The following SLC20A1 variants were observed in gnomAD, a reference collection of about 807,000 sequenced individuals.
SLC20A1 encodes sodium-dependent phosphate transporter 1.
SLC20A1 carries 28 observed loss-of-function variants against 62.7 expected under a neutral mutation model. The observed-to-expected ratio is 0.45, with a 90% CI of 0.33 to 0.61. The LOEUF (loss-of-function observed/expected upper bound fraction) is 0.61. SLC20A1 is among the 20% of genes least tolerant of loss of function. The probability of loss-of-function intolerance (pLI) is 0.02; values close to 1 mark genes in which losing one functional copy is unlikely to be tolerated. For missense variants in SLC20A1, 673 were observed against 838.6 expected (o/e 0.80, Z 2.44); for synonymous variants, 305 against 302.9 (o/e 1.01, Z -0.07).
intron 9 of SLC20A1, 186 bp downstream of exon 9, chr2:112,660,758 C>T: frequency 1.7e-6 from 1 of 577,480 alleles, no homozygotes; most frequent in South Asian, 2.6e-5. Flanking sequence ...ACATTTTACC[C>T]ATTTAGCTCT....
intron 5 of SLC20A1, among the ~76,000 whole-genome samples, chr2:112,656,785 T>C (rs1686600285): frequency 6.6e-6 from 1 of 152,172 alleles, no homozygotes; most frequent in Non-Finnish European, 1.5e-5. Context: ...ACTTGCTGTC[T>C]TTTTCATAGC....
chr2:112,658,823 A>T lies in SLC20A1; in HGVS notation c.779-2A>T. ...AAAAAAGACCCCCCTTTTTTTTCCT[A>T]GGAGAAATAAAGTGTAGTCCTTCTG... On this transcript the variant is annotated splice_acceptor_variant, in intron 6 of 10. Transcript: ENST00000272542. LOFTEE classifies it high-confidence loss of function. The T allele has an allele frequency of 6.3e-7, 1 of 1,580,454 alleles. No individual in the cohort carries two copies. The highest frequency in any genetic ancestry group is 1.9e-5 in the Admixed American group (1 of 52,914).
intron 9 of SLC20A1, 99 bp from the exon 10 acceptor site, chr2:112,661,043 T>G (rs1574191311): frequency 2.5e-6 from 2 of 796,150 alleles, no homozygotes; most frequent in East Asian, 5.0e-5. Context: ...GTTTTGTGAC[T>G]GAGTAGAACA....
intron 5 of SLC20A1, among the ~76,000 whole-genome samples, chr2:112,655,681 G>C (rs1267876315): frequency 6.6e-6 from 1 of 152,064 alleles, no homozygotes. Flanking sequence ...AAATAGGATT[G>C]TATAGTGCTT....
At chr2:112,656,659 A>C (rs894148928) in intron 5 of SLC20A1, among the ~76,000 whole-genome samples, 1 of 152,242 alleles carries the variant, frequency 6.6e-6, no homozygotes, top group Non-Finnish European at 1.5e-5. Flanking sequence ...TTTACACAGA[A>C]TTGTGTCAGC....
intron 5 of SLC20A1, among the ~76,000 whole-genome samples, chr2:112,654,786 C>T (rs1214943433): frequency 6.6e-6 from 1 of 150,964 alleles, no homozygotes; most frequent in Non-Finnish European, 1.5e-5. Context: ...ATCCCAGCTA[C>T]TTCGGAGGCT....
Position 112,663,240 on chromosome 2 carries a change from C to T in SLC20A1, c.*215C>T, listed in dbSNP as rs1370570408. 15 of 634,254 alleles carry T rather than the reference C, an allele frequency of 2.4e-5. No homozygotes were observed. The highest frequency in any genetic ancestry group is 2.6e-4 in the Middle Eastern group (1 of 3,916). The allele number at this position is 634,254 out of a possible 1,614,324, so 39.3% of individuals were successfully genotyped here. ...TAAAATAGCCCGGGTTCCACTGGCT[C>T]CTGCTGAGGTCCCCTTTCCTTCTGG... On this transcript the variant is annotated 3_prime_UTR_variant, in exon 11 of 11. Transcript: ENST00000272542.
At position 112,662,926 on chromosome 2, in the gene SLC20A1, T is replaced by G. The variant is rs1354430466; in HGVS notation, c.1941T>G (p.Phe647Leu). ...AGAAGGCTGTTGACTGGCGTCTCTT[T>G]CGTAACATTTTTATGGCCTGGTTTG... ...RSKKAVDWRL[F>L]RNIFMAWFVT... The change falls in exon 11 of 11, where the codon TTT becomes TTG. Residue 647 changes from phenylalanine (F) to leucine (L), a missense_variant. Transcript: ENST00000272542. The G allele has an allele frequency of 3.7e-6, 6 of 1,614,226 alleles. No homozygotes were observed. Among genetic ancestry groups the G allele is most frequent in the Non-Finnish European group, 5.1e-6 (6 of 1,180,026 alleles).
At chr2:112,660,254 A>G in intron 8 of SLC20A1, 133 bp from the exon 9 acceptor site, 1 of 761,112 alleles carries the variant, frequency 1.3e-6, no homozygotes, top group South Asian at 1.7e-5. Context: ...ATGTCTTTAG[A>G]AAGAAAGGCC....
At position 112,663,557 on chromosome 2, in the gene SLC20A1, G is replaced by C. The variant is rs143944949; in HGVS notation, c.*532G>C. ...AGTGGCAGGATCTATTGGCATATTCGGGAGCTTCTTAGAGGGATGAGGTTC... is the reference window on the plus strand; with the variant it reads ...AGTGGCAGGATCTATTGGCATATTCCGGAGCTTCTTAGAGGGATGAGGTTC... On this transcript the variant is annotated 3_prime_UTR_variant, in exon 11 of 11. Coordinates refer to ENST00000272542, the MANE Select transcript of SLC20A1 (RefSeq NM_005415.5). The C allele has an allele frequency of 1.1e-5, 2 of 177,782 alleles. No homozygotes were observed. Among genetic ancestry groups the C allele is most frequent in the African/African-American group, 4.8e-5 (2 of 41,742 alleles). 11.0% of individuals were successfully genotyped at this position (177,782 alleles called of 1,614,324 possible). A position where few individuals can be genotyped will look rare whatever the true frequency, so the allele number is the denominator to read the frequency against.
Position 112,660,406 on chromosome 2 carries a change from G to T in SLC20A1, c.1627G>T (p.Val543Phe). The T allele has an allele frequency of 6.2e-7, 1 of 1,614,010 alleles. No homozygotes were observed. The highest frequency in any genetic ancestry group is 8.5e-7 in the Non-Finnish European group (1 of 1,179,976). ...NDVSNAIGPL[V>F]ALYLVYDTGD... ...TTCCAGCAATGCCATTGGGCCTCTG[G>T]TTGCTTTATATTTGGTTTATGACAC... The change falls in exon 9 of 11, where the codon GTT (valine) becomes TTT (phenylalanine). Residue 543 changes from valine (V) to phenylalanine (F), a missense_variant. Transcript: ENST00000272542.
Position 112,646,950 on chromosome 2 carries a change from C to T in SLC20A1, c.122C>T (p.Ala41Val). ...IAFVLAFSVG[A>V]NDVANSFGTA... ...TTTGTCTTGGCATTCTCCGTGGGAG[C>T]CAATGATGTAGCAAATTCTTTTGGT... The change falls in exon 2 of 11, where the codon GCC (alanine) becomes GTC (valine). Residue 41 changes from alanine to valine, a missense_variant. Physicochemically the swap from Ala to Val is moderately conservative, Grantham distance 64. Coordinates refer to ENST00000272542, the MANE Select transcript of SLC20A1 (RefSeq NM_005415.5). 6.2e-7 allele frequency: 1 copy of T among 1,614,092 alleles called. No homozygotes were observed. Among genetic ancestry groups the T allele is most frequent in the Non-Finnish European group, 8.5e-7 (1 of 1,180,022 alleles).
chr2:112,652,510 G>A, intron 4 of SLC20A1, 192 bp from the exon 5 acceptor site: 1 of 585,166 alleles, frequency 1.7e-6, no homozygotes, highest in Non-Finnish European at 3.0e-6. Context: ...AAAAAAAACA[G>A]GTAGAAGTTG....
Position 112,659,268 on chromosome 2 carries a change from C to T in SLC20A1, c.1113C>T (p.Asn371=). The change falls in exon 8 of 11, where the codon AAC becomes AAT. Residue 371 remains asparagine (N), a synonymous_variant. Transcript: ENST00000272542. ...GTCAAGCCGTCAGCAACCAAATAAA[C>T]TCCAGTGGCCACTACCAGTATCACA... ...QFSQAVSNQI[N]SSGHYQYHTV... The T allele has an allele frequency of 1.2e-6, 2 of 1,614,174 alleles. No individual in the cohort carries two copies. Among genetic ancestry groups the T allele is most frequent in the Non-Finnish European group, 1.7e-6 (2 of 1,180,036 alleles).
intron 4 of SLC20A1, 108 bp from the exon 5 acceptor site, chr2:112,652,592 GGA>G (rs1686472666): frequency 4.8e-6 from 4 of 826,138 alleles, no homozygotes; most frequent in African/African-American, 1.7e-5. Flanking sequence ...AAACTACTCT[GGA>G]GAGAGTTATT....
intron 4 of SLC20A1, among the ~76,000 whole-genome samples, chr2:112,651,348 C>T (rs1686429633): frequency 6.6e-6 from 1 of 152,108 alleles, no homozygotes; most frequent in Admixed American, 6.6e-5. Context: ...ACCTTTTAGG[C>T]TAAGGTCTTT....
chr2:112,647,143 C>G lies in SLC20A1; in HGVS notation c.315C>G (p.Gly105=). The stretch of plus-strand genomic sequence containing the variant: ...CGACTCAAGGGCTGCTGATGGCCGG[C>G]TCAGTCAGTGCTATGTTTGGTAAGT... ...YNSTQGLLMA[G]SVSAMFGSAV... is the part of the protein sequence containing the mutation. The change falls in exon 2 of 11, where the codon GGC becomes GGG. Residue 105 remains glycine, a synonymous_variant. Coordinates refer to ENST00000272542, the MANE Select transcript of SLC20A1 (RefSeq NM_005415.5). The G allele has an allele frequency of 6.2e-7, 1 of 1,613,740 alleles. No homozygotes were observed.
chr2:112,663,137 G>T lies in SLC20A1; in HGVS notation c.*112G>T, dbSNP rs1252839414. ...AAGACTGACAAGAGTCTTTTTATTT[G>T]GGAGCCAGAGGAGGGAAGTGTTACT... On this transcript the variant is annotated 3_prime_UTR_variant, in exon 11 of 11. Coordinates refer to ENST00000272542, the MANE Select transcript of SLC20A1 (RefSeq NM_005415.5). 8.1e-7 allele frequency: 1 copy of T among 1,233,124 alleles called. No individual in the cohort carries two copies. Among genetic ancestry groups the T allele is most frequent in the East Asian group, 2.3e-5 (1 of 42,840 alleles). The allele number at this position is 1,233,124 out of a possible 1,614,324, so 76.4% of individuals were successfully genotyped here. A position where few individuals can be genotyped will look rare whatever the true frequency, so the allele number is the denominator to read the frequency against.
rs770500392 is a variant in SLC20A1 at position 112,652,813 on chromosome 2, A to G, written c.658+15A>G. The G allele has an allele frequency of 1.3e-5, 21 of 1,612,344 alleles. No homozygotes were observed. Among genetic ancestry groups the G allele is most frequent in the Admixed American group, 8.3e-5 (5 of 60,020 alleles). On this transcript the variant is annotated intron_variant, in intron 5 of 10. Transcript: ENST00000272542. The stretch of plus-strand genomic sequence containing the variant: ...TGGAGCACCGTGTAAGTACCTATCA[A>G]AATATTTAAATGTGAATTTAAAGTT...
Sources: gnomAD v4.1 joint callset for allele counts (sites outside exome capture counted in the v4.1 genomes callset) on GRCh38, gnomAD v4.1.1 for gene constraint, MANE v1.5 for transcripts, NCBI Gene and HGNC (gene_info 2026-07-23, HGNC 2026-07-21) for gene names.